CDKAL1: variants seen among roughly 807,000 people sequenced by gnomAD.
CDKAL1 encodes the protein threonylcarbamoyladenosine tRNA methylthiotransferase.
CDKAL1 carries 32 observed loss-of-function variants against 68.2 expected under a neutral mutation model. The ratio of observed to expected loss-of-function variants is 0.47; its 90% CI spans 0.35 to 0.63. The LOEUF (loss-of-function observed/expected upper bound fraction) is 0.63, where lower values mean the gene tolerates loss of function less well. Among genes scored for constraint, CDKAL1 ranks in the 30% least tolerant of loss-of-function variants. The probability of loss-of-function intolerance (pLI) is 0.00; values close to 1 mark genes in which losing one functional copy is unlikely to be tolerated. For synonymous variants in CDKAL1, 234 were observed against 244.3 expected (o/e 0.96, Z 0.39); for missense variants, 606 against 696.7 (o/e 0.87, Z 1.47).
intron 8 of CDKAL1, among the ~76,000 whole-genome samples, chr6:20,824,684 A>G (rs1777427248): frequency 6.6e-6 from 1 of 152,176 alleles, no homozygotes; most frequent in Non-Finnish European, 1.5e-5. Flanking sequence ...TAATGATCCA[A>G]GTGACATCTG....
At chr6:20,621,828 A>G (rs1767209164) in intron 4 of CDKAL1, among the ~76,000 whole-genome samples, 1 of 150,162 alleles carries the variant, frequency 6.7e-6, no homozygotes, top group African/African-American at 2.5e-5. Context: ...CTCATCTTGC[A>G]TATTTCCTGC....
rs541625629 is a variant in CDKAL1 at position 20,662,284 on chromosome 6, G to A, written c.371+12907G>A. ...ATTTCTTACTTATGGTTACACTTAGGTGTCGTTCTCTGGGCCACATTAATG... is the reference window on the plus strand; with the variant it reads ...ATTTCTTACTTATGGTTACACTTAGATGTCGTTCTCTGGGCCACATTAATG... On this transcript the variant is annotated intron_variant, in intron 5 of 15. Coordinates refer to ENST00000274695, the MANE Select transcript of CDKAL1 (RefSeq NM_017774.3). Among the ~76,000 whole-genome samples, 8 of 152,102 alleles carry A rather than the reference G, an allele frequency of 5.3e-5. No individual in the cohort carries two copies. The South Asian group carries it at 1.2e-3, about 24-fold the overall frequency.
intron 7 of CDKAL1, among the ~76,000 whole-genome samples, chr6:20,768,592 G>A (rs1774802480): frequency 6.6e-6 from 1 of 152,066 alleles, no homozygotes; most frequent in Non-Finnish European, 1.5e-5. Context: ...CTTGAGTAAT[G>A]CCCAGTTCTT....
intron 12 of CDKAL1, among the ~76,000 whole-genome samples, chr6:21,081,694 C>G (rs546219851): frequency 6.6e-6 from 1 of 151,668 alleles, no homozygotes; most frequent in Admixed American, 6.6e-5. Flanking sequence ...GCCTCAGCCT[C>G]CCAAGTAGCT....
chr6:20,820,625 G>A (rs1321406306), intron 8 of CDKAL1, among the ~76,000 whole-genome samples: 6 of 152,058 alleles, frequency 3.9e-5, no homozygotes, highest in Admixed American at 3.3e-4. Context: ...GATGAGGAGC[G>A]TTGGCCCCAG....
intron 9 of CDKAL1, among the ~76,000 whole-genome samples, chr6:20,953,621 C>T (rs909254336): frequency 7.2e-5 from 11 of 152,028 alleles, no homozygotes; most frequent in African/African-American, 2.7e-4. Context: ...CGCCTAATGG[C>T]AGATATAATA....
At chr6:20,719,202 G>A (rs1772231791) in intron 5 of CDKAL1, among the ~76,000 whole-genome samples, 1 of 152,204 alleles carries the variant, frequency 6.6e-6, no homozygotes, top group Non-Finnish European at 1.5e-5. Flanking sequence ...AGGATGGGCA[G>A]ATGAGTTCTG....
intron 5 of CDKAL1, among the ~76,000 whole-genome samples, chr6:20,692,584 C>G (rs1020324598): frequency 2.0e-5 from 3 of 152,022 alleles, no homozygotes; most frequent in Admixed American, 6.5e-5. Context: ...GGTTCAAAAT[C>G]ACAAAAACCA....
chr6:20,728,557 A>G (rs1472863146), intron 5 of CDKAL1, among the ~76,000 whole-genome samples: 1 of 152,170 alleles, frequency 6.6e-6, no homozygotes, highest in East Asian at 1.9e-4. Flanking sequence ...CCCCTAGCTT[A>G]GGGCATTATT....
At chr6:20,874,064 G>C (rs1482090975) in intron 9 of CDKAL1, among the ~76,000 whole-genome samples, 2 of 152,102 alleles carry the variant, frequency 1.3e-5, no homozygotes, top group African/African-American at 4.8e-5. Flanking sequence ...GTTTGTACTG[G>C]CTTGAAGGAC....
chr6:21,170,620 G>A lies in CDKAL1; in HGVS notation c.1300-27401G>A, dbSNP rs1352698881. On this transcript the variant is annotated intron_variant, in intron 13 of 15. Transcript: ENST00000274695. ...TGGGATTACAGGCGTGAGCCACCAC[G>A]CCCGACCGTACTTACCGGTTTTTAA... 2.0e-5 allele frequency among the ~76,000 whole-genome samples: 3 copies of A among 152,002 alleles called. No individual in the cohort carries two copies. In the East Asian group the frequency reaches 5.8e-4, roughly 29 times the overall value.
intron 11 of CDKAL1, among the ~76,000 whole-genome samples, chr6:21,057,796 T>C (rs1200577744): frequency 6.6e-6 from 1 of 152,240 alleles, no homozygotes; most frequent in Non-Finnish European, 1.5e-5. Flanking sequence ...GAGCAGGTTG[T>C]TCAGTTTCCA....
rs56183586 is a variant in CDKAL1 at position 21,227,522 on chromosome 6, C to T, written c.1549-3326C>T. On this transcript the variant is annotated intron_variant, in intron 15 of 15. Transcript: ENST00000274695. Reference sequence around the variant, plus strand: ...GTGAAAATAATAAAAGGGCACAGCACAATAGAGACAGGATGCATTTACCCT... The same window carrying T: ...GTGAAAATAATAAAAGGGCACAGCATAATAGAGACAGGATGCATTTACCCT... 2.3e-3 allele frequency among the ~76,000 whole-genome samples: 346 copies of T among 152,320 alleles called. 1 individual carries two copies. The highest frequency in any genetic ancestry group is 4.1e-3 in the Non-Finnish European group (276 of 68,024).
chr6:20,609,246 T>TCTTCTTCCTCCTTC (rs1561962802), intron 4 of CDKAL1, among the ~76,000 whole-genome samples: 6 of 119,326 alleles, frequency 5.0e-5, no homozygotes, highest in Non-Finnish European at 1.0e-4. Context: ...CTTCCTTCCT[T>TCTTCTTCCTCCTTC]CTTCTTCCTC....
intron 13 of CDKAL1, among the ~76,000 whole-genome samples, chr6:21,133,537 A>G (rs954887574): frequency 1.8e-4 from 28 of 152,172 alleles, no homozygotes; most frequent in African/African-American, 6.5e-4. Context: ...TGAGAACCTC[A>G]TTGTGGATAG....
intron 5 of CDKAL1, among the ~76,000 whole-genome samples, chr6:20,707,985 T>C (rs1323630544): frequency 1.4e-5 from 2 of 145,364 alleles, no homozygotes; most frequent in Non-Finnish European, 3.1e-5. Context: ...CATTTTAATA[T>C]GTAGTATATT....
At chr6:20,845,977 C>T (rs1406016034) in intron 8 of CDKAL1, 98 bp from the exon 9 acceptor site, 8 of 679,504 alleles carry the variant, frequency 1.2e-5, no homozygotes, top group Non-Finnish European at 2.0e-5. Context: ...GCAAATGTTT[C>T]TGAAAGAGCA....
chr6:20,959,430 C>G lies in CDKAL1; in HGVS notation c.909+3845C>G, dbSNP rs191967439. The stretch of plus-strand genomic sequence containing the variant: ...AACATGCTTTATGTCACCTTAAAGT[C>G]CCTATTGCCTAAAGGATAAGAATAA... On this transcript the variant is annotated intron_variant, in intron 10 of 15. Transcript: ENST00000274695. Among the ~76,000 whole-genome samples, 16 of 152,130 alleles carry G rather than the reference C, an allele frequency of 1.1e-4. No individual in the cohort carries two copies. The East Asian group carries it at 3.1e-3, about 29-fold the overall frequency.
chr6:20,601,262 C>T (rs1766084504), intron 4 of CDKAL1, among the ~76,000 whole-genome samples: 1 of 152,066 alleles, frequency 6.6e-6, no homozygotes, highest in African/African-American at 2.4e-5. Context: ...TTAATTATAG[C>T]TTCATCCAAT....
Sources: allele counts gnomAD v4.1 joint callset (sites outside exome capture counted in the v4.1 genomes callset), GRCh38; gene constraint gnomAD v4.1.1; transcripts MANE v1.5; gene names NCBI Gene and HGNC (gene_info 2026-07-23, HGNC 2026-07-21).